TENM2: variants seen among roughly 807,000 people sequenced by gnomAD.
TENM2 encodes teneurin transmembrane protein 2.
In TENM2, 52 loss-of-function variants were observed where a neutral mutation model predicts 245.2. The ratio of observed to expected loss-of-function variants is 0.21; its 90% confidence interval spans 0.17 to 0.27. The LOEUF is 0.27. TENM2 is among the 10% of genes least tolerant of loss of function. The pLI is 1.00. For missense variants in TENM2, 3,046 were observed against 3,666.8 expected (o/e 0.83, Z 4.37); for synonymous variants, 1,363 against 1,438.9 (o/e 0.95, Z 1.19).
intron 12 of TENM2, among the ~76,000 whole-genome samples, chr5:168,141,030 C>A (rs916816305): frequency 3.3e-5 from 5 of 152,026 alleles, no homozygotes; most frequent in Non-Finnish European, 7.4e-5. Flanking sequence ...TGACTGGGTT[C>A]AAGAGCTTTG....
chr5:167,868,736 T>TAAAAA (rs11345222), intron 2 of TENM2, among the ~76,000 whole-genome samples: 13 of 123,470 alleles, frequency 1.1e-4, no homozygotes, highest in African/African-American at 3.3e-4. Context: ...AGATTCTGTC[T>TAAAAA]AAAAAAAAAA....
chr5:167,772,587 A>T (rs1415190424), intron 2 of TENM2, among the ~76,000 whole-genome samples: 6 of 149,294 alleles, frequency 4.0e-5, no homozygotes, highest in Admixed American at 1.3e-4. Flanking sequence ...CAGGCCCGAC[A>T]TTTTCTTTGA....
intron 24 of TENM2, among the ~76,000 whole-genome samples, chr5:168,226,514 A>C (rs963676286): frequency 5.3e-5 from 8 of 152,166 alleles, no homozygotes; most frequent in African/African-American, 1.9e-4. Flanking sequence ...CTACATAGTT[A>C]TCTGAAAATG....
At chr5:167,150,929 T>C in the TENM2 span, among the ~76,000 whole-genome samples, 1 of 152,234 alleles carries the variant, frequency 6.6e-6, no homozygotes, top group Non-Finnish European at 1.5e-5. Flanking sequence ...TTTAATGTAA[T>C]CATCACAACA....
the TENM2 span, among the ~76,000 whole-genome samples, chr5:167,018,238 A>C: frequency 6.6e-6 from 1 of 152,208 alleles, no homozygotes; most frequent in East Asian, 1.9e-4. Context: ...CCAAAAGTAA[A>C]ATAAATCAGT....
intron 9 of TENM2, among the ~76,000 whole-genome samples, chr5:168,106,248 A>G (rs987005858): frequency 6.6e-6 from 1 of 152,194 alleles, no homozygotes; most frequent in Non-Finnish European, 1.5e-5. Flanking sequence ...AGCTTTAAAA[A>G]AGAAAAAAAC....
chr5:168,122,772 A>G (rs759465741), intron 10 of TENM2, among the ~76,000 whole-genome samples: 4 of 152,122 alleles, frequency 2.6e-5, no homozygotes, highest in Middle Eastern at 3.4e-3. Context: ...AATGACTTCC[A>G]TATATAATAC....
intron 2 of TENM2, among the ~76,000 whole-genome samples, chr5:167,736,467 G>A (rs542425801): frequency 8.5e-5 from 13 of 152,100 alleles, no homozygotes; most frequent in Admixed American, 2.6e-4. Flanking sequence ...TTTTATAGGG[G>A]TCAAAAATGC....
intron 2 of TENM2, among the ~76,000 whole-genome samples, chr5:167,690,767 A>G (rs1757372025): frequency 6.6e-6 from 1 of 152,192 alleles, no homozygotes; most frequent in African/African-American, 2.4e-5. Flanking sequence ...GTGTCTTTAA[A>G]ATAAAAACAT....
At chr5:168,094,984 G>A (rs147929051) in intron 8 of TENM2, among the ~76,000 whole-genome samples, 4 of 151,662 alleles carry the variant, frequency 2.6e-5, no homozygotes, top group East Asian at 2.0e-4. Flanking sequence ...AGAATCTAAC[G>A]CCTGATGATC....
rs1766742075 is a variant in TENM2, at chr5:168,247,922, A to G, written c.6983A>G (p.Asn2328Ser). 2 of 1,613,852 alleles carry G rather than the reference A, an allele frequency of 1.2e-6. No individual in the cohort carries two copies. The highest frequency in any genetic ancestry group is 3.3e-5 in the Admixed American group (2 of 60,012). ...CAGTACTTCTACTCTGACCTCCACA[A>G]CCCGACGCGCATCACCCATGTCTAC... The change falls in exon 27 of 29, where the codon AAC becomes AGC. Residue 2328 changes from asparagine (N) to serine (S), a missense_variant. Asn to Ser is a conservative substitution (Grantham distance 46). Coordinates refer to ENST00000518659, the Ensembl canonical transcript of TENM2. The surrounding 1 kb of genome is among the most constrained non-coding windows in gnomAD (Gnocchi z 7.8).
At chr5:168,239,124 G>C (rs1051054711) in intron 25 of TENM2, among the ~76,000 whole-genome samples, 1 of 152,118 alleles carries the variant, frequency 6.6e-6, no homozygotes, top group Non-Finnish European at 1.5e-5. Context: ...GGGGGGGCAG[G>C]TATCCTCAAA....
intron 2 of TENM2, among the ~76,000 whole-genome samples, chr5:167,700,754 C>T (rs1758082174): frequency 6.6e-6 from 1 of 151,972 alleles, no homozygotes; most frequent in Admixed American, 6.6e-5. Flanking sequence ...GTACCATTAT[C>T]AGTTGATTGT....
chr5:167,795,334 A>G (rs1765244748), intron 2 of TENM2, among the ~76,000 whole-genome samples: 1 of 152,206 alleles, frequency 6.6e-6, no homozygotes, highest in Admixed American at 6.5e-5. Context: ...CTTTTGCAGG[A>G]AAGTGTTTTG....
rs113340928 is a variant in TENM2, at chr5:168,246,030, C to T, written c.5818-727C>T. On this transcript the variant is annotated intron_variant, in intron 26 of 28. Coordinates refer to ENST00000518659, the Ensembl canonical transcript of TENM2. Reference sequence around the variant, plus strand: ...GGCTGATCACTTGAGGTCAGGAGTTCGACACCAGCCTGGCCAACATGGTGA... The same window carrying T: ...GGCTGATCACTTGAGGTCAGGAGTTTGACACCAGCCTGGCCAACATGGTGA... 5.9e-3 allele frequency among the ~76,000 whole-genome samples: 893 copies of T among 151,980 alleles called. 11 individuals carry two copies. Among genetic ancestry groups the T allele is most frequent in the African/African-American group, 0.02 (847 of 41,466 alleles).
chr5:167,956,706 C>T (rs1354130596), intron 4 of TENM2, among the ~76,000 whole-genome samples: 4 of 152,074 alleles, frequency 2.6e-5, no homozygotes, highest in Non-Finnish European at 5.9e-5. Flanking sequence ...TATTGAAGGC[C>T]TTTTCTGCAT....
chr5:167,414,389 A>T (rs1763060866), intron 2 of TENM2, among the ~76,000 whole-genome samples: 1 of 152,182 alleles, frequency 6.6e-6, no homozygotes, highest in African/African-American at 2.4e-5. Flanking sequence ...GATCTTTAAA[A>T]AATTGATTGG....
chr5:167,754,345 G>T (rs761422276), intron 2 of TENM2, among the ~76,000 whole-genome samples: 27 of 152,144 alleles, frequency 1.8e-4, no homozygotes, highest in Non-Finnish European at 2.2e-4. Flanking sequence ...CCAGGAAGGA[G>T]AACTGACCCC....
chr5:167,853,872 A>T (rs931775868), intron 2 of TENM2, among the ~76,000 whole-genome samples: 10 of 152,224 alleles, frequency 6.6e-5, no homozygotes, highest in Admixed American at 6.5e-4. Context: ...GCAAAATTCA[A>T]ATAAGACCAC....
Sources: gnomAD v4.1 joint callset for allele counts (sites outside exome capture counted in the v4.1 genomes callset) on GRCh38, gnomAD v4.1.1 for gene constraint, Gnocchi (gnomAD v3.1) non-coding constraint, MANE v1.5 for transcripts, NCBI Gene and HGNC (gene_info 2026-07-23, HGNC 2026-07-21) for gene names.